The following FAM72B variants were observed in gnomAD, a reference collection of about 807,000 sequenced individuals.
FAM72B encodes protein FAM72B.
Under a neutral mutation model 12.6 loss-of-function variants are expected in FAM72B, and 4 were observed. That is an observed-to-expected ratio of 0.32 (90% CI 0.16 to 0.73). The LOEUF is 0.73. Among genes scored for constraint, FAM72B ranks in the 30% least tolerant of loss-of-function variants. The pLI is 0.67. For missense variants in FAM72B, 61 were observed against 158.4 expected, an observed-to-expected ratio of 0.39 and a Z score of 3.30; for synonymous variants, 13 against 53.9, an observed-to-expected ratio of 0.24 and a Z score of 3.32.
intron 3 of FAM72B, among the ~76,000 whole-genome samples, chr1:121,174,927 C>T (rs1297186135): frequency 3.3e-5 from 5 of 152,156 alleles, no homozygotes; most frequent in South Asian, 2.1e-4. Context: ...GGATTATAGG[C>T]GTGAACCACT....
intron 3 of FAM72B, among the ~76,000 whole-genome samples, chr1:121,169,064 G>T (rs1279677124): frequency 6.6e-6 from 1 of 150,922 alleles, no homozygotes; most frequent in Non-Finnish European, 1.5e-5. Context: ...GCCCAGGCTG[G>T]AGTGCCTGGC....
In FAM72B at chr1:121,183,516, G is replaced by C. The variant is rs1553318052; in HGVS notation, c.-27C>G. On this transcript the variant is annotated 5_prime_UTR_variant, in exon 1 of 4. In the 5' UTR this introduces an upstream ATG that the reference lacks. Coordinates refer to ENST00000369390, the MANE Select transcript of FAM72B (RefSeq NM_001100910.2). Reference sequence around the variant, plus strand: ...GCGTCGCAGGAAGGATGAGGTGTGGGATTTTGAAAAAGGAAACAAGAGTAA... The same window carrying C: ...GCGTCGCAGGAAGGATGAGGTGTGGCATTTTGAAAAAGGAAACAAGAGTAA... 6.5e-7 allele frequency: 1 copy of C among 1,545,460 alleles called. No homozygotes were observed. Among genetic ancestry groups the C allele is most frequent in the East Asian group, 2.2e-5 (1 of 44,652 alleles).
intron 2 of FAM72B, 60 bp downstream of exon 2, chr1:121,181,210 GC>G: frequency 1.7e-6 from 1 of 574,328 alleles, no homozygotes; most frequent in South Asian, 2.1e-5. Context: ...CTTTCTCTAT[GC>G]TTTGGTGTCA....
intron 3 of FAM72B, among the ~76,000 whole-genome samples, chr1:121,174,275 G>A (rs1654160169): frequency 6.6e-6 from 1 of 151,216 alleles, no homozygotes; most frequent in Admixed American, 6.6e-5. Context: ...AGCAAAAAGT[G>A]CAGATGTAGA....
intron 3 of FAM72B, among the ~76,000 whole-genome samples, chr1:121,174,374 T>C (rs868946878): frequency 1.2e-3 from 186 of 150,952 alleles, no homozygotes; most frequent in Middle Eastern, 6.9e-3. Flanking sequence ...CTTTTCTTTT[T>C]TTTTTTTTTT....
chr1:121,169,995 G>A (rs1419399913), intron 3 of FAM72B, among the ~76,000 whole-genome samples: 1 of 151,844 alleles, frequency 6.6e-6, no homozygotes, highest in African/African-American at 2.4e-5. Flanking sequence ...TTTTGAGTCG[G>A]AGTCTCGCTC....
In FAM72B at chr1:121,168,696, T is replaced by C; in HGVS notation, c.*45A>G. The C allele has an allele frequency of 7.3e-7, 1 of 1,369,930 alleles. No individual in the cohort carries two copies. The highest frequency in any genetic ancestry group is 9.6e-7 in the Non-Finnish European group (1 of 1,039,404). 84.9% of individuals were successfully genotyped at this position (1,369,930 alleles called of 1,614,324 possible). A position where few individuals can be genotyped will look rare whatever the true frequency, so the allele number is the denominator to read the frequency against. On this transcript the variant is annotated 3_prime_UTR_variant, in exon 4 of 4. Transcript: ENST00000369390. ...TTTAAAGTTGATCCATTAATATATT[T>C]TTAAATAGAAAAAAGTTTGTATATC... is the stretch of plus-strand genomic sequence containing the variant.
intron 3 of FAM72B, 23 bp from the exon 4 acceptor site, chr1:121,168,858 T>A (rs1553315774): frequency 1.2e-6 from 2 of 1,601,670 alleles, no homozygotes; most frequent in Non-Finnish European, 1.7e-6. Flanking sequence ...AATCATAAAA[T>A]TCTTTAATGC....
intron 3 of FAM72B, among the ~76,000 whole-genome samples, chr1:121,174,548 G>C (rs1407233300): frequency 6.7e-6 from 1 of 149,510 alleles, no homozygotes; most frequent in Non-Finnish European, 1.5e-5. Context: ...TGTATTTTTA[G>C]TAGAGACGGG....
intron 3 of FAM72B, among the ~76,000 whole-genome samples, chr1:121,172,981 G>A (rs1400592509): frequency 2.3e-5 from 3 of 132,816 alleles, no homozygotes; most frequent in Non-Finnish European, 3.2e-5. Flanking sequence ...GGAGGCTGAG[G>A]CACGAGAATC....
intron 2 of FAM72B, among the ~76,000 whole-genome samples, chr1:121,180,874 T>C (rs755310992): frequency 6.6e-6 from 1 of 151,910 alleles, no homozygotes; most frequent in Non-Finnish European, 1.5e-5. Context: ...AAGAAAGGAG[T>C]AATAACCTAG....
In FAM72B at chr1:121,168,588, G is replaced by A. The variant is rs1265701574; in HGVS notation, c.*153C>T. On this transcript the variant is annotated 3_prime_UTR_variant, in exon 4 of 4. Coordinates refer to ENST00000369390, the MANE Select transcript of FAM72B (RefSeq NM_001100910.2). Reference sequence around the variant, plus strand: ...CTCCACTGGCTTCAATCAAACTGAGGTAACTAATTAGAGACGGAAAATAAA... The same window carrying A: ...CTCCACTGGCTTCAATCAAACTGAGATAACTAATTAGAGACGGAAAATAAA... 1.1e-6 allele frequency: 1 copy of A among 894,586 alleles called. No individual in the cohort carries two copies. The highest frequency in any genetic ancestry group is 1.6e-6 in the Non-Finnish European group (1 of 624,544). The allele number at this position is 894,586 out of a possible 1,614,324, so 55.4% of individuals were successfully genotyped here.
intron 2 of FAM72B, among the ~76,000 whole-genome samples, chr1:121,178,805 A>G (rs1180897541): frequency 1.4e-5 from 2 of 142,560 alleles, no homozygotes; most frequent in Non-Finnish European, 3.1e-5. Flanking sequence ...AAAAATGAAA[A>G]TAAAAACCTT....
intron 2 of FAM72B, among the ~76,000 whole-genome samples, chr1:121,177,548 C>CTATTATTATTAT (rs200543221): frequency 1.3e-3 from 131 of 103,568 alleles, no homozygotes; most frequent in Middle Eastern, 4.9e-3. Flanking sequence ...CATTTCTTTG[C>CTATTATTATTAT]TATTATTATT....
chr1:121,174,814 A>G (rs1486641378), intron 3 of FAM72B, among the ~76,000 whole-genome samples: 1 of 144,802 alleles, frequency 6.9e-6, no homozygotes, highest in Non-Finnish European at 1.5e-5. Flanking sequence ...ATGCCCAGCT[A>G]ATTTTTTATT....
chr1:121,179,310 G>A (rs1441278697), intron 2 of FAM72B, among the ~76,000 whole-genome samples: 3 of 151,842 alleles, frequency 2.0e-5, no homozygotes, highest in African/African-American at 4.8e-5. Flanking sequence ...CCCAGAAGAC[G>A]GAGGTTGCAG....
intron 2 of FAM72B, among the ~76,000 whole-genome samples, chr1:121,179,866 C>T (rs587710119): frequency 2.8e-5 from 4 of 145,206 alleles, no homozygotes; most frequent in African/African-American, 1.1e-4. Flanking sequence ...AAAATAATGT[C>T]CAAAGGCCAG....
chr1:121,176,825 G>T (rs1553316914), intron 3 of FAM72B, among the ~76,000 whole-genome samples: 3 of 152,146 alleles, frequency 2.0e-5, no homozygotes, highest in African/African-American at 4.8e-5. Flanking sequence ...AACTCCCATT[G>T]CCCTAGGCTT....
chr1:121,179,281 G>A (rs1654278854), intron 2 of FAM72B, among the ~76,000 whole-genome samples: 1 of 151,074 alleles, frequency 6.6e-6, no homozygotes, highest in African/African-American at 2.4e-5. Flanking sequence ...GGGAGGCAGA[G>A]GTGAGAGAAT....
Sources: gnomAD v4.1 joint callset for allele counts (sites outside exome capture counted in the v4.1 genomes callset) on GRCh38, gnomAD v4.1.1 for gene constraint, MANE v1.5 for transcripts, NCBI Gene and HGNC (gene_info 2026-07-23, HGNC 2026-07-21) for gene names.